Variants in GRID2 observed in about 807,000 individuals in gnomAD.
GRID2 encodes the protein glutamate receptor ionotropic, delta-2.
GRID2 carries 33 observed loss-of-function variants against 114.8 expected under a neutral mutation model. The ratio of observed to expected loss-of-function variants is 0.29; its 90% confidence interval spans 0.22 to 0.38. GRID2 has a LOEUF of 0.38. Ranked by LOEUF, GRID2 falls within the 10% of genes least tolerant of loss-of-function variation. GRID2 has a pLI of 1.00. For missense variants in GRID2, 1,184 were observed against 1,257.7 expected, an observed-to-expected ratio of 0.94 and a Z score of 0.89; for synonymous variants, 505 against 449.9, an observed-to-expected ratio of 1.12 and a Z score of -1.55.
chr4:92,971,735 C>T (rs1235519595), intron 2 of GRID2, among the ~76,000 whole-genome samples: 1 of 151,988 alleles, frequency 6.6e-6, no homozygotes, highest in Admixed American at 6.6e-5. Context: ...CAATTCTGCT[C>T]CCTGCTTCCA....
chr4:93,224,740 C>A lies in GRID2; in HGVS notation c.1090C>A (p.Gln364Lys), dbSNP rs1745287594. ...SCIRKNSKPW[Q>K]GGRSMLETIK... ...TATCAGAAAGAACTCAAAGCCCTGG[C>A]AGGGTGGGCGCTCCATGTTGGAGAC... Residue 364 changes from glutamine to lysine, a missense_variant, in exon 7 of 16, where the codon CAG becomes AAG. Physicochemically the swap from Gln to Lys is moderately conservative, Grantham distance 53. Transcript: ENST00000282020. The A allele has an allele frequency of 6.2e-7, 1 of 1,612,848 alleles. No individual in the cohort carries two copies. Among genetic ancestry groups the A allele is most frequent in the Non-Finnish European group, 8.5e-7 (1 of 1,179,240 alleles).
intron 1 of GRID2, among the ~76,000 whole-genome samples, chr4:92,570,072 A>G (rs1034328939): frequency 6.6e-6 from 1 of 152,084 alleles, no homozygotes; most frequent in East Asian, 1.9e-4. Context: ...GTTTTCTTCA[A>G]GGGTTTGTTT....
At chr4:93,482,472 T>G (rs994920205) in intron 11 of GRID2, among the ~76,000 whole-genome samples, 1 of 151,662 alleles carries the variant, frequency 6.6e-6, no homozygotes, top group African/African-American at 2.4e-5. Context: ...CACTCATAAG[T>G]GGGAGTTGAA....
chr4:93,123,942 C>A (rs1189621122), intron 4 of GRID2, among the ~76,000 whole-genome samples: 2 of 125,610 alleles, frequency 1.6e-5, no homozygotes, highest in Non-Finnish European at 3.1e-5. Context: ...TTAGACTGGA[C>A]CTAATGATAA....
chr4:93,005,265 T>C (rs1458038970), intron 2 of GRID2, among the ~76,000 whole-genome samples: 2 of 152,090 alleles, frequency 1.3e-5, no homozygotes, highest in Non-Finnish European at 2.9e-5. Flanking sequence ...GTCCACAAAT[T>C]TAGGAGTTAT....
intron 2 of GRID2, among the ~76,000 whole-genome samples, chr4:92,931,190 G>C (rs1750204504): frequency 6.6e-6 from 1 of 150,494 alleles, no homozygotes; most frequent in Non-Finnish European, 1.5e-5. Context: ...TTGAAAAGTT[G>C]GTTTAACATT....
At chr4:92,978,071 G>T (rs1753977177) in intron 2 of GRID2, among the ~76,000 whole-genome samples, 1 of 152,086 alleles carries the variant, frequency 6.6e-6, no homozygotes, top group African/African-American at 2.4e-5. Flanking sequence ...AAGAGAAGGT[G>T]ATTCACGACC....
rs539099190 is a variant in GRID2 at position 93,320,124 on chromosome 4, G to A, written c.1246-75483G>A. Among the ~76,000 whole-genome samples, 92 of 152,186 alleles carry A rather than the reference G, an allele frequency of 6.0e-4. 1 individual carries two copies. The highest frequency in any genetic ancestry group is 2.1e-3 in the African/African-American group (86 of 41,540). ...CAAAAGGATCTGTATGGAATAAAGC[G>A]AAAGAAAGGCTTTTAAAGAACATTA... On this transcript the variant is annotated intron_variant, in intron 8 of 15. Coordinates refer to ENST00000282020, the MANE Select transcript of GRID2 (RefSeq NM_001510.4).
chr4:93,167,706 TTATA>T (rs570357613), intron 4 of GRID2, among the ~76,000 whole-genome samples: 185 of 152,256 alleles, frequency 1.2e-3, no homozygotes, highest in African/African-American at 4.2e-3. Flanking sequence ...CAAAATTAAT[TTATA>T]TATGAGTTAT....
At chr4:92,746,869 T>G (rs749955776) in intron 2 of GRID2, among the ~76,000 whole-genome samples, 3 of 152,086 alleles carry the variant, frequency 2.0e-5, no homozygotes, top group Non-Finnish European at 4.4e-5. Context: ...ACTTTTTCCT[T>G]TAACCCATCG....
At chr4:93,038,196 A>G (rs1053264619) in intron 2 of GRID2, among the ~76,000 whole-genome samples, 1 of 152,104 alleles carries the variant, frequency 6.6e-6, no homozygotes, top group Non-Finnish European at 1.5e-5. Context: ...TTGTATTTCT[A>G]AGTATTTTAT....
intron 2 of GRID2, among the ~76,000 whole-genome samples, chr4:92,932,226 C>A (rs1042967864): frequency 6.7e-6 from 1 of 150,056 alleles, no homozygotes; most frequent in African/African-American, 2.4e-5. Flanking sequence ...ATGAAAAAAA[C>A]AACACATTAA....
At chr4:93,122,797 A>G (rs554712214) in intron 4 of GRID2, among the ~76,000 whole-genome samples, 2 of 150,632 alleles carry the variant, frequency 1.3e-5, no homozygotes, top group South Asian at 4.2e-4. Flanking sequence ...TTTATCAATT[A>G]TTATTAAACT....
intron 11 of GRID2, among the ~76,000 whole-genome samples, chr4:93,480,166 A>G (rs1191087722): frequency 6.6e-6 from 1 of 152,106 alleles, no homozygotes; most frequent in Non-Finnish European, 1.5e-5. Flanking sequence ...AATAAGCTAT[A>G]GTAGAACTGA....
At chr4:92,924,718 A>G (rs973756477) in intron 2 of GRID2, among the ~76,000 whole-genome samples, 2 of 152,158 alleles carry the variant, frequency 1.3e-5, no homozygotes, top group Non-Finnish European at 2.9e-5. Flanking sequence ...TAAACCATGC[A>G]TCTTTAAGAG....
At chr4:92,343,457 C>T (rs1727613542) in intron 1 of GRID2, among the ~76,000 whole-genome samples, 1 of 152,084 alleles carries the variant, frequency 6.6e-6, no homozygotes, top group Admixed American at 6.6e-5. Flanking sequence ...TAACTTTTTA[C>T]TTCCTAGAAA....
intron 13 of GRID2, among the ~76,000 whole-genome samples, chr4:93,599,868 T>C (rs1739493717): frequency 2.0e-5 from 3 of 152,130 alleles, no homozygotes; most frequent in African/African-American, 7.2e-5. Flanking sequence ...TTAGGGTTGC[T>C]AGACATCTGA....
intron 14 of GRID2, among the ~76,000 whole-genome samples, chr4:93,755,748 A>G (rs1459308572): frequency 6.6e-6 from 1 of 152,216 alleles, no homozygotes; most frequent in East Asian, 1.9e-4. Context: ...CACCATTTAG[A>G]ACAAAGTTTT....
chr4:93,088,074 A>G (rs562918321), intron 3 of GRID2, among the ~76,000 whole-genome samples: 1 of 152,304 alleles, frequency 6.6e-6, no homozygotes, highest in East Asian at 1.9e-4. Flanking sequence ...AGAAAAAAAT[A>G]TATACTTTTT....
Sources: gnomAD v4.1 joint callset for allele counts (sites outside exome capture counted in the v4.1 genomes callset) on GRCh38, gnomAD v4.1.1 for gene constraint, MANE v1.5 for transcripts, NCBI Gene and HGNC (gene_info 2026-07-23, HGNC 2026-07-21) for gene names.